OR1B1: variants seen among roughly 807,000 people sequenced by gnomAD.
OR1B1 encodes olfactory receptor family 1 subfamily B member 1, also known as olfactory receptor 1B1.
For synonymous variants in OR1B1, 168 were observed against 156.2 expected (o/e 1.08, Z -0.57); for missense variants, 414 against 402.1 (o/e 1.03, Z -0.25).
At chr9:122,630,987 T>C (rs1830198070), upstream of OR1B1, among the ~76,000 whole-genome samples, 1 of 152,038 alleles carries the variant, frequency 6.6e-6, no homozygotes, top group African/African-American at 2.4e-5. Context: ...ATTACAGGCA[T>C]GAGCCACCGT....
the OR1B1 span, among the ~76,000 whole-genome samples, chr9:122,636,213 A>T: frequency 6.6e-6 from 1 of 152,184 alleles, no homozygotes; most frequent in Non-Finnish European, 1.5e-5. Context: ...GTAACTTCGT[A>T]AATACTGACT....
the OR1B1 span, among the ~76,000 whole-genome samples, chr9:122,653,348 C>T: frequency 6.6e-6 from 1 of 152,296 alleles, no homozygotes; most frequent in African/African-American, 2.4e-5. Context: ...AATCCCAGCT[C>T]TAACACCCAT....
At chr9:122,636,557 A>G in the OR1B1 span, among the ~76,000 whole-genome samples, 1 of 152,212 alleles carries the variant, frequency 6.6e-6, no homozygotes, top group East Asian at 1.9e-4. Context: ...CAGAGGTTGC[A>G]GTGATCCAAG....
the OR1B1 span, among the ~76,000 whole-genome samples, chr9:122,652,694 T>C: frequency 2.0e-5 from 3 of 152,102 alleles, no homozygotes; most frequent in Non-Finnish European, 4.4e-5. Flanking sequence ...TCTATGTTTG[T>C]TGTTGTTTTT....
At chr9:122,645,969 T>TAAC in the OR1B1 span, among the ~76,000 whole-genome samples, 1 of 151,970 alleles carries the variant, frequency 6.6e-6, no homozygotes, top group Non-Finnish European at 1.5e-5. Context: ...TCAAAAATAA[T>TAAC]AACAACAACA....
chr9:122,632,594 C>T (rs954119454), upstream of OR1B1, among the ~76,000 whole-genome samples: 3 of 152,032 alleles, frequency 2.0e-5, no homozygotes, highest in African/African-American at 7.2e-5. Context: ...CCCCCAAGTC[C>T]CCAAAGTCCA....
At chr9:122,636,135 C>T in the OR1B1 span, among the ~76,000 whole-genome samples, 3 of 152,194 alleles carry the variant, frequency 2.0e-5, no homozygotes, top group East Asian at 3.8e-4. Flanking sequence ...AGTCAGGCTT[C>T]GTTTCTACTT....
the OR1B1 span, among the ~76,000 whole-genome samples, chr9:122,654,724 A>G: frequency 6.6e-6 from 1 of 152,258 alleles, no homozygotes; most frequent in African/African-American, 2.4e-5. Context: ...ACTTCTAATG[A>G]GTTCAACTTT....
the OR1B1 span, among the ~76,000 whole-genome samples, chr9:122,656,095 A>G: frequency 6.6e-6 from 1 of 152,206 alleles, no homozygotes; most frequent in African/African-American, 2.4e-5. Flanking sequence ...TGTAGCTACT[A>G]CATGCCTGAA....
chr9:122,639,330 G>C, the OR1B1 span, among the ~76,000 whole-genome samples: 1 of 152,050 alleles, frequency 6.6e-6, no homozygotes, highest in African/African-American at 2.4e-5. Context: ...AACTTGAGGT[G>C]GACATATCTT....
At chr9:122,650,363 A>G in the OR1B1 span, among the ~76,000 whole-genome samples, 1 of 144,848 alleles carries the variant, frequency 6.9e-6, no homozygotes, top group African/African-American at 2.7e-5. Context: ...CAAACCTGCA[A>G]TGCCTGCACA....
chr9:122,652,998 T>A, the OR1B1 span, among the ~76,000 whole-genome samples: 1 of 152,148 alleles, frequency 6.6e-6, no homozygotes, highest in Non-Finnish European at 1.5e-5. Flanking sequence ...GTCCCAGCAT[T>A]ACTGTGCTCA....
At chr9:122,650,419 A>AT in the OR1B1 span, among the ~76,000 whole-genome samples, 6 of 150,992 alleles carry the variant, frequency 4.0e-5, no homozygotes, top group East Asian at 1.9e-4. Context: ...AAATTAAAAA[A>AT]ATATATATAT....
the OR1B1 span, among the ~76,000 whole-genome samples, chr9:122,651,184 G>A: frequency 6.6e-6 from 1 of 152,006 alleles, no homozygotes; most frequent in Admixed American, 6.6e-5. Flanking sequence ...ATTTAATTTT[G>A]TTTTGTTAAT....
chr9:122,643,901 G>A, the OR1B1 span, among the ~76,000 whole-genome samples: 315 of 152,262 alleles, frequency 2.1e-3, 1 homozygote, highest in African/African-American at 7.2e-3. Context: ...CCTAGTCCTG[G>A]CAGGATTCAT....
chr9:122,639,898 T>A, the OR1B1 span, among the ~76,000 whole-genome samples: 1 of 151,514 alleles, frequency 6.6e-6, no homozygotes, highest in South Asian at 2.1e-4. Context: ...ACAACAGGAG[T>A]AGTAGAACAA....
the OR1B1 span, among the ~76,000 whole-genome samples, chr9:122,636,137 T>C: frequency 1.6e-4 from 25 of 152,236 alleles, no homozygotes; most frequent in African/African-American, 6.0e-4. Flanking sequence ...TCAGGCTTCG[T>C]TTCTACTTGG....
At chr9:122,657,589 C>T in the OR1B1 span, among the ~76,000 whole-genome samples, 1 of 152,162 alleles carries the variant, frequency 6.6e-6, no homozygotes, top group East Asian at 1.9e-4. Context: ...TTGATATTTG[C>T]ACTCACGGAA....
upstream of OR1B1, among the ~76,000 whole-genome samples, chr9:122,633,875 G>C (rs1026143334): frequency 2.7e-5 from 4 of 145,714 alleles, no homozygotes; most frequent in Non-Finnish European, 6.0e-5. Flanking sequence ...GTTGCTGTGA[G>C]CTGAGATCAC....
Sources: gnomAD v4.1 joint callset for allele counts (sites outside exome capture counted in the v4.1 genomes callset) on GRCh38, gnomAD v4.1.1 for gene constraint, MANE v1.5 for transcripts, NCBI Gene and HGNC (gene_info 2026-07-23, HGNC 2026-07-21) for gene names.